EMCN: variants seen among roughly 807,000 people sequenced by gnomAD.
EMCN encodes endomucin, also known as MUC-14.
In EMCN, 37 loss-of-function variants were observed where a neutral mutation model predicts 38.4. The observed-to-expected ratio is 0.96, with a 90% CI of 0.74 to 1.27. The LOEUF is 1.27. Among genes scored for constraint, EMCN ranks in the 50% most tolerant of loss-of-function variants. EMCN has a pLI of 0.00. For synonymous variants in EMCN, 95 were observed against 100.8 expected, an observed-to-expected ratio of 0.94 and a Z score of 0.35; for missense variants, 318 against 302.8, an observed-to-expected ratio of 1.05 and a Z score of -0.37.
chr4:100,503,129 A>AT (rs1170245594), intron 1 of EMCN, among the ~76,000 whole-genome samples: 1 of 152,040 alleles, frequency 6.6e-6, no homozygotes, highest in Non-Finnish European at 1.5e-5. Flanking sequence ...AAGTGAATTT[A>AT]TTTATTAAAT....
chr4:100,492,069 A>G (rs1044449907), intron 1 of EMCN, among the ~76,000 whole-genome samples: 6 of 152,224 alleles, frequency 3.9e-5, no homozygotes, highest in Non-Finnish European at 7.3e-5. Flanking sequence ...GATCTAAGAA[A>G]TGACAGGAAA....
intron 4 of EMCN, among the ~76,000 whole-genome samples, chr4:100,461,107 A>G (rs917603731): frequency 1.3e-5 from 2 of 152,090 alleles, no homozygotes; most frequent in South Asian, 2.1e-4. Flanking sequence ...ATTCCTTCCA[A>G]TCAACCACAG....
chr4:100,439,112 A>G (rs1312475907), intron 5 of EMCN, among the ~76,000 whole-genome samples: 1 of 152,036 alleles, frequency 6.6e-6, no homozygotes, highest in African/African-American at 2.4e-5. Context: ...TATCAAGGTG[A>G]TGTGGTCCTT....
Position 100,517,952 on chromosome 4 carries a change from A to G in EMCN, c.-38T>C, listed in dbSNP as rs1035366362. The G allele has an allele frequency of 6.2e-7, 1 of 1,606,690 alleles. No individual in the cohort carries two copies. The highest frequency in any genetic ancestry group is 8.5e-7 in the Non-Finnish European group (1 of 1,173,814). On this transcript the variant is annotated 5_prime_UTR_variant, in exon 1 of 12. Transcript: ENST00000296420. ...TGGTGTCAATATCTTCTTTCTCCAG[A>G]AGCAGGCAGGGACAATTCCCTCCCA...
At chr4:100,470,729 T>C (rs1676525208) in intron 3 of EMCN, among the ~76,000 whole-genome samples, 2 of 152,068 alleles carry the variant, frequency 1.3e-5, no homozygotes, top group South Asian at 4.1e-4. Context: ...TCATGTCCTC[T>C]GCAGGAATAT....
chr4:100,408,211 T>C (rs1392663982), intron 11 of EMCN, among the ~76,000 whole-genome samples: 1 of 152,248 alleles, frequency 6.6e-6, no homozygotes, highest in Non-Finnish European at 1.5e-5. Flanking sequence ...TTCTGAATTC[T>C]ATTTCTGTAA....
chr4:100,455,816 A>T (rs373260408), intron 4 of EMCN, among the ~76,000 whole-genome samples: 1 of 151,678 alleles, frequency 6.6e-6, no homozygotes, highest in East Asian at 1.9e-4. Flanking sequence ...TTTTCTTGAG[A>T]CAGAGTTTCA....
chr4:100,480,103 A>G (rs894358698), intron 1 of EMCN, 64 bp from the exon 2 acceptor site: 62 of 1,441,900 alleles, frequency 4.3e-5, no homozygotes, highest in Non-Finnish European at 5.8e-5. Context: ...AGACTAGTAT[A>G]TTTAAACAAG....
intron 5 of EMCN, among the ~76,000 whole-genome samples, chr4:100,429,006 C>G (rs952382556): frequency 2.0e-5 from 3 of 152,076 alleles, no homozygotes; most frequent in African/African-American, 7.2e-5. Flanking sequence ...ACTTACAACT[C>G]TTAATAAAAA....
chr4:100,442,426 A>G (rs527747260), intron 5 of EMCN, among the ~76,000 whole-genome samples: 1 of 152,292 alleles, frequency 6.6e-6, no homozygotes, highest in African/African-American at 2.4e-5. Flanking sequence ...CCAAATGTCT[A>G]TATCTCTTTT....
At chr4:100,517,775 T>G (rs771636096) in intron 1 of EMCN, 76 bp downstream of exon 1, 63 of 1,389,970 alleles carry the variant, frequency 4.5e-5, no homozygotes, top group Non-Finnish European at 5.7e-5. Context: ...GGAAGATCCC[T>G]GAAAGTAAAC....
chr4:100,475,658 CCTT>C (rs1728618655), intron 2 of EMCN, among the ~76,000 whole-genome samples: 1 of 108,092 alleles, frequency 9.3e-6, no homozygotes, highest in East Asian at 2.8e-4. Flanking sequence ...CAATTCTAGT[CCTT>C]TTTTTTTTTT....
At chr4:100,516,695 C>T (rs1355125908) in intron 1 of EMCN, among the ~76,000 whole-genome samples, 1 of 152,048 alleles carries the variant, frequency 6.6e-6, no homozygotes, top group Non-Finnish European at 1.5e-5. Context: ...TGAATTTGTA[C>T]TAAATTTACA....
chr4:100,506,178 C>T (rs1376379756), intron 1 of EMCN, among the ~76,000 whole-genome samples: 7 of 152,052 alleles, frequency 4.6e-5, no homozygotes, highest in African/African-American at 1.2e-4. Context: ...TTTATAGTAA[C>T]ATTTTAATAA....
chr4:100,518,000 A>G lies in EMCN; in HGVS notation c.-86T>C. The stretch of plus-strand genomic sequence containing the variant: ...CCAGCCTGGCAGGGCCTTATTAGCA[A>G]ATGGAAAAGGTGTAGTGAATGTGAA... On this transcript the variant is annotated 5_prime_UTR_variant, in exon 1 of 12. Transcript: ENST00000296420. The G allele has an allele frequency of 7.6e-7, 1 of 1,319,714 alleles. No individual in the cohort carries two copies. The allele number at this position is 1,319,714 out of a possible 1,614,324, so 81.8% of individuals were successfully genotyped here. A position where few individuals can be genotyped will look rare whatever the true frequency, so the allele number is the denominator to read the frequency against.
chr4:100,484,481 C>A (rs1023492342), intron 1 of EMCN, among the ~76,000 whole-genome samples: 2 of 152,048 alleles, frequency 1.3e-5, no homozygotes, highest in African/African-American at 4.8e-5. Context: ...TGAACTCCTG[C>A]GCTCAAGATA....
At chr4:100,441,366 T>A (rs1023653139) in intron 5 of EMCN, among the ~76,000 whole-genome samples, 4 of 152,190 alleles carry the variant, frequency 2.6e-5, no homozygotes, top group Admixed American at 2.6e-4. Context: ...AATATCTTCT[T>A]CCATTGCTTT....
At chr4:100,433,025 G>C (rs1253271274) in intron 5 of EMCN, among the ~76,000 whole-genome samples, 2 of 152,064 alleles carry the variant, frequency 1.3e-5, no homozygotes, top group Non-Finnish European at 2.9e-5. Flanking sequence ...CCCAAATACA[G>C]TACAATTGTG....
At chr4:100,420,437 A>G (rs1272614855) in intron 8 of EMCN, among the ~76,000 whole-genome samples, 1 of 152,050 alleles carries the variant, frequency 6.6e-6, no homozygotes, top group African/African-American at 2.4e-5. Context: ...TCCAGAAGGA[A>G]TAGTATGGAT....
Sources: allele counts gnomAD v4.1 joint callset (sites outside exome capture counted in the v4.1 genomes callset), GRCh38; gene constraint gnomAD v4.1.1; transcripts MANE v1.5; gene names NCBI Gene and HGNC (gene_info 2026-07-23, HGNC 2026-07-21).